The following ALPK2 variants were observed in gnomAD, a reference collection of about 807,000 sequenced individuals.
ALPK2 encodes alpha kinase 2.
In ALPK2, 127 loss-of-function variants were observed where a neutral mutation model predicts 163.1. The ratio of observed to expected loss-of-function variants is 0.78; its 90% CI spans 0.67 to 0.90. The LOEUF (loss-of-function observed/expected upper bound fraction) is 0.90. ALPK2 is among the 40% of genes least tolerant of loss of function. The pLI is 0.00. For missense variants in ALPK2, 2,360 were observed against 2,589.6 expected, an observed-to-expected ratio of 0.91 and a Z score of 1.92; for synonymous variants, 953 against 959.1, an observed-to-expected ratio of 0.99 and a Z score of 0.12.
At chr18:58,578,733 G>GACACACACACACACACACACAC (rs71173065) in intron 4 of ALPK2, 81 bp downstream of exon 4, 7,644 of 531,928 alleles carry the variant, frequency 0.014, 202 homozygotes, top group African/African-American at 0.03. Flanking sequence ...TAAAGGAAGA[G>GACACACACACACACACACACAC]ACACACACAC....
chr18:58,506,685 A>G (rs2051463476), intron 10 of ALPK2, among the ~76,000 whole-genome samples: 1 of 152,210 alleles, frequency 6.6e-6, no homozygotes, highest in African/African-American at 2.4e-5. Flanking sequence ...CTCCTGGCTC[A>G]AAATAAGTGT....
At chr18:58,530,297 A>C (rs1250881145) in intron 5 of ALPK2, among the ~76,000 whole-genome samples, 2 of 152,206 alleles carry the variant, frequency 1.3e-5, no homozygotes, top group East Asian at 3.8e-4. Context: ...TTGGGTAGCA[A>C]ATCTTTCAAC....
chr18:58,572,227 A>T (rs2051889557), intron 4 of ALPK2, among the ~76,000 whole-genome samples: 1 of 152,222 alleles, frequency 6.6e-6, no homozygotes, highest in Admixed American at 6.5e-5. Flanking sequence ...GAAAGTCCAG[A>T]ATCAAAAATA....
At chr18:58,607,246 C>T (rs2052102631) in intron 3 of ALPK2, 76 bp downstream of exon 3, 2 of 1,059,050 alleles carry the variant, frequency 1.9e-6, no homozygotes, top group Non-Finnish European at 2.7e-6. Flanking sequence ...AATCTTTTGG[C>T]CTTACCTCAT....
At chr18:58,545,959 C>G (rs139689094) in intron 4 of ALPK2, among the ~76,000 whole-genome samples, 1 of 152,288 alleles carries the variant, frequency 6.6e-6, no homozygotes, top group Non-Finnish European at 1.5e-5. Context: ...TTCGATAGAT[C>G]AAATCCATAC....
intron 5 of ALPK2, among the ~76,000 whole-genome samples, chr18:58,531,151 C>T (rs376223820): frequency 2.6e-5 from 4 of 152,100 alleles, no homozygotes; most frequent in South Asian, 2.1e-4. Flanking sequence ...GCCATGATCT[C>T]GCCACTGCAA....
intron 5 of ALPK2, among the ~76,000 whole-genome samples, chr18:58,532,262 C>T (rs1007491078): frequency 6.6e-6 from 1 of 152,136 alleles, no homozygotes; most frequent in Non-Finnish European, 1.5e-5. Context: ...GAGCTGTGAT[C>T]CTAAAGAAAA....
At chr18:58,494,473 C>CA (rs2051391497) in intron 12 of ALPK2, among the ~76,000 whole-genome samples, 1 of 152,186 alleles carries the variant, frequency 6.6e-6, no homozygotes, top group Non-Finnish European at 1.5e-5. Flanking sequence ...GAAATAGGAT[C>CA]ATAGCCTTTG....
chr18:58,611,623 G>T, intron 2 of ALPK2, 66 bp downstream of exon 2: 1 of 1,424,826 alleles, frequency 7.0e-7, no homozygotes, highest in Non-Finnish European at 9.7e-7. Context: ...TAATGCCTTT[G>T]TGAGCCAAGA....
chr18:58,611,209 C>T (rs867879366), intron 2 of ALPK2, among the ~76,000 whole-genome samples: 7 of 148,632 alleles, frequency 4.7e-5, no homozygotes, highest in East Asian at 4.0e-4. Context: ...ACCCAGGAGG[C>T]GGGGGTGGCA....
At chr18:58,627,250 T>C (rs7227596) in intron 1 of ALPK2, among the ~76,000 whole-genome samples, 48,214 of 152,094 alleles carry the variant, frequency 0.32, 7,688 homozygotes, top group East Asian at 0.35. Flanking sequence ...AAAAACTTTG[T>C]AGGTAATGAC....
intron 4 of ALPK2, among the ~76,000 whole-genome samples, chr18:58,561,741 G>A (rs1245932370): frequency 6.6e-6 from 1 of 152,152 alleles, no homozygotes; most frequent in African/African-American, 2.4e-5. Flanking sequence ...CACCCCCATT[G>A]GTGGAGGACT....
At chr18:58,516,697 T>C (rs974870299) in intron 9 of ALPK2, among the ~76,000 whole-genome samples, 3 of 152,182 alleles carry the variant, frequency 2.0e-5, no homozygotes. Flanking sequence ...TCTCTAGGCA[T>C]TGGCTGAGTC....
At chr18:58,601,524 G>C (rs2052069550) in intron 3 of ALPK2, among the ~76,000 whole-genome samples, 1 of 152,174 alleles carries the variant, frequency 6.6e-6, no homozygotes, top group Admixed American at 6.5e-5. Flanking sequence ...GAATGTGAGA[G>C]AAATGATATT....
At chr18:58,606,507 T>A (rs187159128) in intron 3 of ALPK2, among the ~76,000 whole-genome samples, 34 of 152,344 alleles carry the variant, frequency 2.2e-4, no homozygotes, top group Non-Finnish European at 2.8e-4. Context: ...GTTTTATAGA[T>A]GATGAAATTG....
Position 58,523,839 on chromosome 18 carries a change from G to A in ALPK2, c.5632C>T (p.Leu1878Phe). ...TAEFNLTAEVLKQLSSRQDTK... is the reference protein window; with the variant it reads ...TAEFNLTAEVFKQLSSRQDTK... ...TCCTGGCGACTTGACAGCTGTTTGA[G>A]AACTAGAAGAAGACAAAGCAGAGAA... The change falls in exon 8 of 13, where the codon CTC (leucine) becomes TTC (phenylalanine). Residue 1878 changes from leucine to phenylalanine, a missense_variant and splice_region_variant. Coordinates refer to ENST00000361673, the MANE Select transcript of ALPK2 (RefSeq NM_052947.4). 2 of 1,614,178 alleles carry A rather than the reference G, an allele frequency of 1.2e-6. No homozygotes were observed. Among genetic ancestry groups the A allele is most frequent in the South Asian group, 1.1e-5 (1 of 91,078 alleles).
At chr18:58,486,463 C>T (rs1159811542) in intron 12 of ALPK2, among the ~76,000 whole-genome samples, 1 of 152,202 alleles carries the variant, frequency 6.6e-6, no homozygotes, top group Non-Finnish European at 1.5e-5. Context: ...TATGATCTCT[C>T]TCAGGACACT....
intron 3 of ALPK2, among the ~76,000 whole-genome samples, chr18:58,598,460 G>A (rs2052051899): frequency 6.6e-6 from 1 of 152,232 alleles, no homozygotes; most frequent in Non-Finnish European, 1.5e-5. Flanking sequence ...GGCAGGGGCA[G>A]GAGAGGCTCC....
At position 58,536,666 on chromosome 18, in the gene ALPK2, T is replaced by A. The variant is rs3809977; in HGVS notation, c.3521A>T (p.His1174Leu). Reference protein sequence around the residue: ...QEERNLVPTAHSPASSREGAG... With the variant: ...QEERNLVPTALSPASSREGAG... ...TCCTTCCCTAGAGCTTGCGGGTGAG[T>A]GGGCCGTGGGCACCAAGTTTCTTTC... The change falls in exon 5 of 13, where the codon CAC becomes CTC. Residue 1174 changes from histidine to leucine, a missense_variant. By Grantham distance (99) the His-to-Leu change is moderately conservative. Transcript: ENST00000361673. The A allele has an allele frequency of 3.1e-6, 5 of 1,613,292 alleles. No homozygotes were observed. The South Asian group carries it at 5.5e-5, about 18-fold the overall frequency.
Sources: allele counts gnomAD v4.1 joint callset (sites outside exome capture counted in the v4.1 genomes callset), GRCh38; gene constraint gnomAD v4.1.1; transcripts MANE v1.5; gene names NCBI Gene and HGNC (gene_info 2026-07-23, HGNC 2026-07-21).